Variants in LMO7 observed in about 807,000 individuals in gnomAD.
LMO7 encodes LIM domain 7, also known as LIM domain only protein 7.
A neutral mutation model predicts 206.5 loss-of-function variants in LMO7; 120 were observed. The ratio of observed to expected loss-of-function variants is 0.58; its 90% confidence interval spans 0.50 to 0.68. The LOEUF (loss-of-function observed/expected upper bound fraction) is 0.68, where lower values mean the gene tolerates loss of function less well. LMO7 is among the 30% of genes least tolerant of loss of function. LMO7 has a pLI of 0.00. For missense variants in LMO7, 1,959 were observed against 1,957.9 expected (o/e 1.00, Z -0.01); for synonymous variants, 706 against 681.5 (o/e 1.04, Z -0.56).
At chr13:75,632,677 TACAC>T (rs2035097908), upstream of LMO7, among the ~76,000 whole-genome samples, 1 of 152,218 alleles carries the variant, frequency 6.6e-6, no homozygotes, top group Non-Finnish European at 1.5e-5. Flanking sequence ...CAAAGCTAGT[TACAC>T]AGCAGCAGCT....
chr13:75,846,829 C>T (rs532204646), intron 26 of LMO7, among the ~76,000 whole-genome samples: 293 of 152,040 alleles, frequency 1.9e-3, no homozygotes, highest in Non-Finnish European at 3.2e-3. Context: ...CGCCTGTAAT[C>T]CAACCAGCCT....
At chr13:75,741,094 T>G (rs1472155202) in intron 3 of LMO7, among the ~76,000 whole-genome samples, 1 of 152,206 alleles carries the variant, frequency 6.6e-6, no homozygotes, top group Non-Finnish European at 1.5e-5. Context: ...TATCAATAAA[T>G]TTGATTAAAA....
chr13:75,648,959 A>G (rs2037301870), intron 1 of LMO7, among the ~76,000 whole-genome samples: 1 of 152,172 alleles, frequency 6.6e-6, no homozygotes, highest in Non-Finnish European at 1.5e-5. Context: ...AGAATGGGAA[A>G]AGCATTTGGG....
At chr13:75,805,978 G>C (rs61959562) in intron 9 of LMO7, 1 of 1,111,462 alleles carries the variant, frequency 9.0e-7, no homozygotes, top group Non-Finnish European at 1.2e-6. Context: ...TCATAGCACG[G>C]CATTATTTTT....
At chr13:75,798,568 G>A (rs569643974) in intron 6 of LMO7, among the ~76,000 whole-genome samples, 2 of 152,342 alleles carry the variant, frequency 1.3e-5, no homozygotes, top group East Asian at 1.9e-4. Context: ...AACTAAGGTT[G>A]TGGTTCCATT....
intron 3 of LMO7, among the ~76,000 whole-genome samples, chr13:75,750,025 C>G (rs565556782): frequency 6.6e-6 from 1 of 151,450 alleles, no homozygotes; most frequent in Admixed American, 6.6e-5. Flanking sequence ...TTAGTTATAC[C>G]ATAACAAGCG....
chr13:75,843,042 G>T, intron 25 of LMO7, 126 bp downstream of exon 25: 1 of 665,458 alleles, frequency 1.5e-6, no homozygotes, highest in East Asian at 2.6e-5. Context: ...AAGAGGAATT[G>T]CTGGTTGATC....
chr13:75,778,617 A>G (rs2050855153), intron 4 of LMO7, among the ~76,000 whole-genome samples: 1 of 152,196 alleles, frequency 6.6e-6, no homozygotes, highest in African/African-American at 2.4e-5. Context: ...ACACTTGAAA[A>G]TCATTGGCAG....
At chr13:75,781,570 T>C (rs1027143248) in intron 4 of LMO7, among the ~76,000 whole-genome samples, 4 of 152,048 alleles carry the variant, frequency 2.6e-5, no homozygotes, top group African/African-American at 7.2e-5. Context: ...CTATTGTGAA[T>C]AGTGCCGCAA....
At chr13:75,819,682 C>T (rs1222727414) in intron 13 of LMO7, 147 bp downstream of exon 13, 8 of 805,462 alleles carry the variant, frequency 9.9e-6, no homozygotes, top group African/African-American at 3.5e-5. Context: ...AGATTTTGGT[C>T]TGCGGTGAAA....
chr13:75,678,731 A>C (rs2040234959), intron 1 of LMO7, among the ~76,000 whole-genome samples: 1 of 152,198 alleles, frequency 6.6e-6, no homozygotes, highest in African/African-American at 2.4e-5. Context: ...TGGAGTGATA[A>C]ATGTCAGAAA....
At chr13:75,713,334 A>G (rs1594456228) in intron 2 of LMO7, 82 bp downstream of exon 2, 1 of 910,676 alleles carries the variant, frequency 1.1e-6, no homozygotes, top group African/African-American at 1.7e-5. Flanking sequence ...GGCTCCTCCC[A>G]TGGCCACCGT....
At chr13:75,827,661 G>A (rs773531812) in intron 15 of LMO7, among the ~76,000 whole-genome samples, 1 of 152,196 alleles carries the variant, frequency 6.6e-6, no homozygotes, top group South Asian at 2.1e-4. Flanking sequence ...TCCCCCCTCC[G>A]TCTGCCATGC....
intron 1 of LMO7, among the ~76,000 whole-genome samples, chr13:75,686,021 T>C (rs1485165133): frequency 6.6e-6 from 1 of 151,144 alleles, no homozygotes; most frequent in Non-Finnish European, 1.5e-5. Context: ...ACTACAGGTG[T>C]GCATGACCAC....
At position 75,817,198 on chromosome 13, in the gene LMO7, C is replaced by A; in HGVS notation, c.1984C>A (p.Gln662Lys). 1 of 1,613,612 alleles carries A rather than the reference C, an allele frequency of 6.2e-7. No individual in the cohort carries two copies. The highest frequency in any genetic ancestry group is 1.1e-5 in the South Asian group (1 of 91,006). Residue 662 changes from glutamine to lysine, a missense_variant, in exon 12 of 31, where the codon CAA (glutamine) becomes AAA (lysine). Physicochemically the swap from Gln to Lys is moderately conservative, Grantham distance 53. Coordinates refer to ENST00000377534, the MANE Select transcript of LMO7 (RefSeq NM_001306080.2). The stretch of plus-strand genomic sequence containing the variant: ...GAGTGATGTCAGCGCAGAAGATGTT[C>A]AAAACTTGCGTCAGCTGCGTTACGA... ...SMSDVSAEDV[Q>K]NLRQLRYEEM...
Position 75,834,229 on chromosome 13 carries a change from G to A in LMO7, c.3068G>A (p.Ser1023Asn). The change falls in exon 17 of 31, where the codon AGC (serine) becomes AAC (asparagine). Residue 1023 changes from serine to asparagine, a missense_variant. Ser to Asn is a conservative substitution (Grantham distance 46). Coordinates refer to ENST00000377534, the MANE Select transcript of LMO7 (RefSeq NM_001306080.2). ...TTAATTTATTTTGCATTTTTAGGTA[G>A]CCCAGCAGAATTTTCTCAGCTACAA... ...GIFVASVEAG[S>N]PAEFSQLQVD... The A allele has an allele frequency of 1.3e-6, 2 of 1,584,066 alleles. No individual in the cohort carries two copies. The highest frequency in any genetic ancestry group is 1.7e-6 in the Non-Finnish European group (2 of 1,164,816).
At chr13:75,717,362 C>CA (rs55749528) in intron 2 of LMO7, among the ~76,000 whole-genome samples, 1,363 of 90,652 alleles carry the variant, frequency 0.015, 17 homozygotes, top group East Asian at 0.066. Flanking sequence ...GACTCCGTCT[C>CA]AAAAAAAAAA....
chr13:75,669,569 G>T (rs2039372232), intron 1 of LMO7, among the ~76,000 whole-genome samples: 1 of 152,102 alleles, frequency 6.6e-6, no homozygotes, highest in Non-Finnish European at 1.5e-5. Flanking sequence ...TGATAGAGGG[G>T]AATAAAATGA....
intron 4 of LMO7, among the ~76,000 whole-genome samples, chr13:75,776,360 T>C (rs1014130870): frequency 6.6e-6 from 1 of 151,120 alleles, no homozygotes; most frequent in Non-Finnish European, 1.5e-5. Flanking sequence ...CCAGGTGCAT[T>C]GTTCATTGTT....
Sources: allele counts gnomAD v4.1 joint callset (sites outside exome capture counted in the v4.1 genomes callset), GRCh38; gene constraint gnomAD v4.1.1; transcripts MANE v1.5; gene names NCBI Gene and HGNC (gene_info 2026-07-23, HGNC 2026-07-21).